AOPEP: variants seen among roughly 807,000 people sequenced by gnomAD.
AOPEP encodes the protein aminopeptidase O (putative), also known as aminopeptidase O.
AOPEP carries 77 observed loss-of-function variants against 98.1 expected under a neutral mutation model. The ratio of observed to expected loss-of-function variants is 0.78; its 90% CI spans 0.65 to 0.95. The LOEUF (loss-of-function observed/expected upper bound fraction) is 0.95, where lower values mean the gene tolerates loss of function less well. AOPEP is among the 40% of genes least tolerant of loss of function. AOPEP has a pLI of 0.00. For synonymous variants in AOPEP, 346 were observed against 365.3 expected (o/e 0.95, Z 0.60); for missense variants, 1,024 against 1,024.7 (o/e 1.00, Z 0.01).
intron 3 of AOPEP, among the ~76,000 whole-genome samples, chr9:94,789,292 C>G (rs1309999839): frequency 1.3e-5 from 2 of 152,222 alleles, no homozygotes; most frequent in Non-Finnish European, 2.9e-5. Flanking sequence ...AGTTAAACCT[C>G]TCTTTTTACC....
rs530848892 is a variant in AOPEP at position 95,049,496 on chromosome 9, A to G, written c.2116-11198A>G. 1.3e-4 allele frequency among the ~76,000 whole-genome samples: 20 copies of G among 152,362 alleles called. No individual in the cohort carries two copies. The South Asian group carries it at 3.9e-3, about 30-fold the overall frequency. On this transcript the variant is annotated intron_variant, in intron 13 of 16. Transcript: ENST00000375315. ...GGAGGGACGGAAAGTATGGTTTTCT[A>G]TAGACTATTTTCCATTAAAATTTAA... is the stretch of plus-strand genomic sequence containing the variant.
the AOPEP span, among the ~76,000 whole-genome samples, chr9:95,115,383 T>C: frequency 6.6e-6 from 1 of 152,304 alleles, no homozygotes; most frequent in East Asian, 1.9e-4. Context: ...AATGTGTTGA[T>C]TTCAAAATAG....
At chr9:94,973,766 T>G (rs986792875) in intron 10 of AOPEP, among the ~76,000 whole-genome samples, 2 of 152,232 alleles carry the variant, frequency 1.3e-5, no homozygotes, top group Non-Finnish European at 1.5e-5. Context: ...GCTCTCTGTA[T>G]AAAATCAATT....
intron 2 of AOPEP, among the ~76,000 whole-genome samples, chr9:94,761,177 G>T (rs1384527360): frequency 1.3e-5 from 2 of 152,164 alleles, no homozygotes; most frequent in African/African-American, 4.8e-5. Flanking sequence ...CTGCACACTG[G>T]CTTCTTTGGC....
At chr9:94,752,936 T>C (rs1836166376) in intron 1 of AOPEP, among the ~76,000 whole-genome samples, 1 of 152,240 alleles carries the variant, frequency 6.6e-6, no homozygotes. Flanking sequence ...GGCTGCCAGC[T>C]ACCATAGAAG....
intron 5 of AOPEP, among the ~76,000 whole-genome samples, chr9:94,822,813 C>G (rs1439456708): frequency 6.6e-6 from 1 of 152,146 alleles, no homozygotes; most frequent in Admixed American, 6.5e-5. Flanking sequence ...GACTTGCATC[C>G]TCTATGGAAT....
chr9:95,000,421 T>G (rs1423388031), intron 11 of AOPEP, among the ~76,000 whole-genome samples: 1 of 152,180 alleles, frequency 6.6e-6, no homozygotes, highest in Admixed American at 6.5e-5. Context: ...TTAAAAATAA[T>G]AGATGGCCGG....
intron 5 of AOPEP, chr9:94,810,160 G>T (rs959458995): frequency 1.3e-5 from 2 of 154,186 alleles, no homozygotes; most frequent in Admixed American, 1.3e-4. Flanking sequence ...GAAGGAGGCC[G>T]TGCTTCCTAG....
At chr9:94,810,311 G>T (rs186627504) in intron 5 of AOPEP, among the ~76,000 whole-genome samples, 2 of 149,358 alleles carry the variant, frequency 1.3e-5, no homozygotes, top group Non-Finnish European at 3.0e-5. Flanking sequence ...TTTAATCAGG[G>T]TTTTTTTGTT....
At chr9:94,881,165 T>C (rs2047539834) in intron 5 of AOPEP, among the ~76,000 whole-genome samples, 1 of 152,140 alleles carries the variant, frequency 6.6e-6, no homozygotes, top group South Asian at 2.1e-4. Flanking sequence ...TTCCACAGCA[T>C]GTGGAATTTG....
At chr9:94,934,265 T>TTCCCTC (rs369921147) in intron 7 of AOPEP, among the ~76,000 whole-genome samples, 14 of 143,772 alleles carry the variant, frequency 9.7e-5, no homozygotes, top group African/African-American at 3.6e-4. Flanking sequence ...CCTCCCTCCC[T>TTCCCTC]TCCCTCTCCC....
At chr9:94,830,424 C>T (rs1447511023) in intron 5 of AOPEP, among the ~76,000 whole-genome samples, 2 of 152,204 alleles carry the variant, frequency 1.3e-5, no homozygotes, top group Non-Finnish European at 2.9e-5. Flanking sequence ...ACCACATTTT[C>T]TTTATCCAGC....
chr9:94,871,237 C>G (rs578177428), intron 5 of AOPEP, among the ~76,000 whole-genome samples: 1 of 152,226 alleles, frequency 6.6e-6, no homozygotes, highest in Non-Finnish European at 1.5e-5. Flanking sequence ...CTCTTAACCA[C>G]AGGCACAGGT....
chr9:94,989,564 A>G (rs1298769831), intron 11 of AOPEP, among the ~76,000 whole-genome samples: 1 of 141,040 alleles, frequency 7.1e-6, no homozygotes, highest in African/African-American at 2.6e-5. Flanking sequence ...TACAACCTAA[A>G]CCCTTAGAAT....
intron 5 of AOPEP, among the ~76,000 whole-genome samples, chr9:94,921,688 G>C (rs1236873524): frequency 1.3e-5 from 2 of 152,148 alleles, no homozygotes; most frequent in Non-Finnish European, 2.9e-5. Context: ...TTCCTTCATA[G>C]GGAAATAGCC....
intron 1 of AOPEP, among the ~76,000 whole-genome samples, chr9:94,735,690 A>G (rs1052675111): frequency 1.3e-5 from 2 of 152,212 alleles, no homozygotes; most frequent in African/African-American, 4.8e-5. Flanking sequence ...ACATGCCACA[A>G]AATTCACTCT....
intron 11 of AOPEP, among the ~76,000 whole-genome samples, chr9:94,988,940 G>A (rs114319714): frequency 0.042 from 6,157 of 148,264 alleles, 439 homozygotes; most frequent in African/African-American, 0.15. Context: ...ACAAAGTCTC[G>A]GTCTGTCGCC....
intron 9 of AOPEP, among the ~76,000 whole-genome samples, chr9:94,963,858 A>G (rs775365590): frequency 3.9e-5 from 6 of 152,066 alleles, no homozygotes; most frequent in Admixed American, 3.9e-4. Context: ...CATAAGAGAC[A>G]TTTTTCTTTT....
At chr9:94,812,124 A>G (rs1461305509) in intron 5 of AOPEP, among the ~76,000 whole-genome samples, 1 of 152,158 alleles carries the variant, frequency 6.6e-6, no homozygotes, top group Non-Finnish European at 1.5e-5. Context: ...TTCTAAAGGT[A>G]GAGATGAGGG....
Sources: gnomAD v4.1 joint callset for allele counts (sites outside exome capture counted in the v4.1 genomes callset) on GRCh38, gnomAD v4.1.1 for gene constraint, MANE v1.5 for transcripts, NCBI Gene and HGNC (gene_info 2026-07-23, HGNC 2026-07-21) for gene names.